Variants in CLIP2 observed in about 807,000 individuals in gnomAD.
The protein encoded by CLIP2 is CAP-Gly domain-containing linker protein 2.
A neutral mutation model predicts 111.7 loss-of-function variants in CLIP2; 41 were observed. The observed-to-expected ratio is 0.37, with a 90% CI of 0.29 to 0.48. The LOEUF is 0.48. CLIP2 is among the 20% of genes least tolerant of loss of function. The pLI, the probability that CLIP2 is intolerant of heterozygous loss-of-function variation, is 0.99. For synonymous variants in CLIP2, 660 were observed against 644.2 expected (o/e 1.02, Z -0.37); for missense variants, 1,160 against 1,422.1 (o/e 0.82, Z 2.96).
chr7:74,367,855 T>C (rs1196733184), intron 8 of CLIP2, among the ~76,000 whole-genome samples: 2 of 151,988 alleles, frequency 1.3e-5, no homozygotes, highest in East Asian at 1.9e-4. Flanking sequence ...GACAGGAAGG[T>C]TGCTTGAGCC....
chr7:74,398,290 C>T (rs527345845), intron 14 of CLIP2, among the ~76,000 whole-genome samples: 3 of 151,962 alleles, frequency 2.0e-5, no homozygotes, highest in East Asian at 2.0e-4. Context: ...ACCCAGGAGG[C>T]GGAGGTTGGA....
chr7:74,390,174 AAAG>A (rs1562726831), intron 13 of CLIP2, among the ~76,000 whole-genome samples: 2 of 44,326 alleles, frequency 4.5e-5, no homozygotes, highest in East Asian at 1.1e-3. Flanking sequence ...AGAAAGAAAG[AAAG>A]AAAGAAAGAA....
chr7:74,396,799 G>T (rs1203196084), intron 13 of CLIP2, among the ~76,000 whole-genome samples: 3 of 152,152 alleles, frequency 2.0e-5, no homozygotes, highest in Non-Finnish European at 2.9e-5. Context: ...GGGATTACAG[G>T]CGTGAGCCAC....
At chr7:74,400,699 G>C (rs28599180) in intron 15 of CLIP2, 144 bp downstream of exon 15, 59 of 810,684 alleles carry the variant, frequency 7.3e-5, no homozygotes, top group Admixed American at 2.4e-4. Context: ...TGGTCTGAAG[G>C]GGGAGGTAGC....
At chr7:74,354,170 G>A (rs1405271042) in intron 4 of CLIP2, among the ~76,000 whole-genome samples, 166 bp downstream of exon 4, 9 of 152,174 alleles carry the variant, frequency 5.9e-5, no homozygotes, top group Non-Finnish European at 1.3e-4. Context: ...AAGCTGGGTA[G>A]TGGGATTATC....
chr7:74,396,822 T>C (rs1295214822), intron 13 of CLIP2, among the ~76,000 whole-genome samples: 6 of 152,010 alleles, frequency 3.9e-5, no homozygotes, highest in Non-Finnish European at 7.4e-5. Context: ...TGCTCTGCAC[T>C]CCCCCCACAA....
intron 7 of CLIP2, among the ~76,000 whole-genome samples, chr7:74,362,058 A>G (rs547403): frequency 0.72 from 108,790 of 150,404 alleles, 39,641 homozygotes; most frequent in Non-Finnish European, 0.78. Context: ...CCGAGATCAC[A>G]CCACTACAGT....
At chr7:74,351,117 AAGAGAGAGAGAAAGAAAGAG>A (rs1789982265) in intron 3 of CLIP2, among the ~76,000 whole-genome samples, 1 of 147,736 alleles carries the variant, frequency 6.8e-6, no homozygotes, top group African/African-American at 2.5e-5. Context: ...GAAGGGAAGA[AAGAGAGAGAGAAAGAAAGAG>A]AGAGAGAGAG....
At position 74,376,427 on chromosome 7, in the gene CLIP2, G is replaced by A. The variant is rs376110415; in HGVS notation, c.2026G>A (p.Ala676Thr). ...GCAGGCCAAGCATGACCTGGAGACC[G>A]CCATGCACGTGAAGGAGAAGGAGGC... ...NLQAKHDLET[A>T]MHVKEKEALR... is the part of the protein sequence containing the mutation. The change falls in exon 10 of 17, where the codon GCC (alanine) becomes ACC (threonine). Residue 676 changes from alanine to threonine, a missense_variant. Ala to Thr is a moderately conservative substitution (Grantham distance 58). Coordinates refer to ENST00000223398, the MANE Select transcript of CLIP2 (RefSeq NM_003388.5). The surrounding 1 kb of genome is among the most constrained non-coding windows in gnomAD (Gnocchi z 7.1). 7 of 1,613,888 alleles carry A rather than the reference G, an allele frequency of 4.3e-6. No individual in the cohort carries two copies. The highest frequency in any genetic ancestry group is 2.2e-5 in the East Asian group (1 of 44,868).
chr7:74,343,804 G>A lies in CLIP2; in HGVS notation c.678+4800G>A, dbSNP rs373213891. Among the ~76,000 whole-genome samples the A allele has an allele frequency of 3.9e-5, 6 of 152,166 alleles. No individual in the cohort carries two copies. In the South Asian group the frequency reaches 1.2e-3, roughly 32 times the overall value. On this transcript the variant is annotated intron_variant, in intron 3 of 16. Coordinates refer to ENST00000223398, the MANE Select transcript of CLIP2 (RefSeq NM_003388.5). ...TATGCTCCCAGCTACTGGGGAGACT[G>A]AGGTGGGAGGATCACTTGAGCTCAG...
chr7:74,388,183 T>A (rs1428639881), intron 12 of CLIP2, among the ~76,000 whole-genome samples: 9 of 151,892 alleles, frequency 5.9e-5, no homozygotes, highest in Admixed American at 5.9e-4. Flanking sequence ...TACAAAAAAA[T>A]TAGCTGAGCG....
rs185535453 is a variant in CLIP2 at position 74,297,973 on chromosome 7, C to T, written c.-68+8239C>T. On this transcript the variant is annotated intron_variant, in intron 1 of 16. Coordinates refer to ENST00000223398, the MANE Select transcript of CLIP2 (RefSeq NM_003388.5). ...TATTCACTAAACATGTATTTTTGAGCTCCTCTATGGTCTGGGTGCTGTCCT... is the reference window on the plus strand; with the variant it reads ...TATTCACTAAACATGTATTTTTGAGTTCCTCTATGGTCTGGGTGCTGTCCT... Among the ~76,000 whole-genome samples the T allele has an allele frequency of 3.2e-4, 49 of 151,918 alleles. 1 individual carries two copies. In the East Asian group the frequency reaches 8.7e-3, roughly 27 times the overall value.
In CLIP2 at chr7:74,322,374, G is replaced by A. The variant is rs138639177; in HGVS notation, c.121+4707G>A. On this transcript the variant is annotated intron_variant, in intron 2 of 16. Transcript: ENST00000223398. Reference sequence around the variant, plus strand: ...TAATCCCAGCCCTTTGGGAGGCCAAGGCAGGCAGATCACCTGAGGTCAGGA... The same window carrying A: ...TAATCCCAGCCCTTTGGGAGGCCAAAGCAGGCAGATCACCTGAGGTCAGGA... Among the ~76,000 whole-genome samples, 299 of 151,644 alleles carry A rather than the reference G, an allele frequency of 2.0e-3. 1 individual carries two copies. The highest frequency in any genetic ancestry group is 4.0e-3 in the African/African-American group (166 of 41,390).
Position 74,397,153 on chromosome 7 carries a change from G to T in CLIP2, c.2800G>T (p.Val934Leu). Residue 934 changes from valine to leucine, a missense_variant, in exon 14 of 17, where the codon GTA becomes TTA. Physicochemically the swap from Val to Leu is conservative, Grantham distance 32. Around this residue, in one of 5 missense-constraint regions of CLIP2, gnomAD observed 676 missense variants for 777.8 expected, o/e 0.87. Coordinates refer to ENST00000223398, the MANE Select transcript of CLIP2 (RefSeq NM_003388.5). ...PGPERDLSRE[V>L]HKAEWRIKEQ... ...GCCGGAGAGGGACCTGAGCCGTGAG[G>T]TACACAAGGCTGAGTGGCGGATCAA... The T allele has an allele frequency of 3.7e-6, 6 of 1,613,932 alleles. No homozygotes were observed. The highest frequency in any genetic ancestry group is 5.1e-6 in the Non-Finnish European group (6 of 1,179,976).
At chr7:74,336,628 G>A (rs782600300) in intron 2 of CLIP2, among the ~76,000 whole-genome samples, 39 of 152,152 alleles carry the variant, frequency 2.6e-4, no homozygotes, top group Non-Finnish European at 4.6e-4. Context: ...CCAAAACGTG[G>A]AAATTATGGG....
chr7:74,391,711 T>C (rs1791296749), intron 13 of CLIP2, among the ~76,000 whole-genome samples: 1 of 151,782 alleles, frequency 6.6e-6, no homozygotes, highest in Admixed American at 6.6e-5. Context: ...TCCCAGCTAC[T>C]CAGGAGGCTG....
At chr7:74,339,057 T>C in intron 3 of CLIP2, 53 bp downstream of exon 3, 1 of 1,525,594 alleles carries the variant, frequency 6.6e-7, no homozygotes, top group Non-Finnish European at 8.8e-7. Flanking sequence ...CCTCCCCTGC[T>C]CCGCCCCACT....
intron 2 of CLIP2, among the ~76,000 whole-genome samples, chr7:74,324,215 C>T (rs902289614): frequency 6.6e-6 from 1 of 152,150 alleles, no homozygotes; most frequent in Non-Finnish European, 1.5e-5. Context: ...TGGTCTCAAA[C>T]TCCTGACCTC....
chr7:74,300,708 G>A (rs546851116), intron 1 of CLIP2, among the ~76,000 whole-genome samples: 5 of 152,154 alleles, frequency 3.3e-5, no homozygotes, highest in African/African-American at 1.2e-4. Context: ...CACCCGCCTC[G>A]GCCTCCCAAA....
Sources: allele counts gnomAD v4.1 joint callset (sites outside exome capture counted in the v4.1 genomes callset), GRCh38; gene constraint gnomAD v4.1.1; regional missense constraint gnomAD v4.1.1; non-coding constraint Gnocchi (gnomAD v3.1); transcripts MANE v1.5; gene names NCBI Gene and HGNC (gene_info 2026-07-23, HGNC 2026-07-21).